The following KPNA3 variants were observed in gnomAD, a reference collection of about 807,000 sequenced individuals.
KPNA3 encodes importin subunit alpha-4.
In KPNA3, 13 loss-of-function variants were observed where a neutral mutation model predicts 73.8. The observed-to-expected ratio is 0.18, with a 90% CI of 0.11 to 0.28. KPNA3 has a LOEUF of 0.28. Ranked by LOEUF, KPNA3 falls within the 10% of genes least tolerant of loss-of-function variation. The pLI, the probability that KPNA3 is intolerant of heterozygous loss-of-function variation, is 1.00. For synonymous variants in KPNA3, 186 were observed against 206.9 expected (o/e 0.90, Z 0.87); for missense variants, 360 against 618.1 (o/e 0.58, Z 4.43).
chr13:49,743,239 G>A (rs528815261), intron 2 of KPNA3, among the ~76,000 whole-genome samples: 2 of 152,236 alleles, frequency 1.3e-5, no homozygotes, highest in East Asian at 3.9e-4. Context: ...GAATCTCAAT[G>A]TCACTAAATA....
At chr13:49,736,427 T>G (rs1051125159) in intron 2 of KPNA3, among the ~76,000 whole-genome samples, 1 of 152,234 alleles carries the variant, frequency 6.6e-6, no homozygotes, top group African/African-American at 2.4e-5. Context: ...ATGTTTCTTT[T>G]TTCCCTGCAG....
chr13:49,730,521 A>G (rs1439289548), intron 6 of KPNA3, among the ~76,000 whole-genome samples: 2 of 36,480 alleles, frequency 5.5e-5, no homozygotes, highest in African/African-American at 4.2e-4. Flanking sequence ...CTCTGTCTCA[A>G]AAAAAAAAAA....
intron 1 of KPNA3, among the ~76,000 whole-genome samples, chr13:49,747,437 T>C (rs191044451): frequency 6.6e-6 from 1 of 152,046 alleles, no homozygotes; most frequent in East Asian, 1.9e-4. Context: ...ACACCTGTAA[T>C]CCCAGCACTT....
intron 12 of KPNA3, among the ~76,000 whole-genome samples, chr13:49,708,038 C>A (rs1049215215): frequency 3.3e-5 from 5 of 149,528 alleles, no homozygotes; most frequent in African/African-American, 1.2e-4. Flanking sequence ...CTCTGTCGCC[C>A]AGGCTGGAGT....
chr13:49,778,534 C>A (rs1447056531), intron 1 of KPNA3, among the ~76,000 whole-genome samples: 2 of 152,200 alleles, frequency 1.3e-5, no homozygotes, highest in Admixed American at 6.5e-5. Context: ...ATATAAATTA[C>A]ACAAACGACC....
intron 2 of KPNA3, among the ~76,000 whole-genome samples, chr13:49,737,039 T>C (rs1351679142): frequency 6.6e-6 from 1 of 152,216 alleles, no homozygotes; most frequent in Non-Finnish European, 1.5e-5. Context: ...TCATTTTTAT[T>C]GCCAAATAGT....
intron 1 of KPNA3, among the ~76,000 whole-genome samples, chr13:49,784,086 C>T (rs981844513): frequency 1.3e-5 from 2 of 151,998 alleles, no homozygotes; most frequent in Non-Finnish European, 2.9e-5. Flanking sequence ...GACCCCATCG[C>T]TACAAAAAGT....
At chr13:49,791,178 C>G (rs1955029865) in intron 1 of KPNA3, among the ~76,000 whole-genome samples, 1 of 152,174 alleles carries the variant, frequency 6.6e-6, no homozygotes, top group Non-Finnish European at 1.5e-5. Flanking sequence ...TTGTCTGTTT[C>G]TCTACAAAAT....
At chr13:49,727,198 A>G (rs1954417667) in intron 6 of KPNA3, among the ~76,000 whole-genome samples, 1 of 152,170 alleles carries the variant, frequency 6.6e-6, no homozygotes, top group African/African-American at 2.4e-5. Flanking sequence ...CTGTAACCCC[A>G]GCACTTTGGG....
At chr13:49,737,486 C>A (rs1954532600) in intron 2 of KPNA3, among the ~76,000 whole-genome samples, 1 of 151,926 alleles carries the variant, frequency 6.6e-6, no homozygotes, top group South Asian at 2.1e-4. Flanking sequence ...TGTATGTCCT[C>A]CTTTCAATGA....
chr13:49,783,181 T>C (rs1954955261), intron 1 of KPNA3, among the ~76,000 whole-genome samples: 1 of 152,114 alleles, frequency 6.6e-6, no homozygotes. Context: ...CTAAATTATA[T>C]TCTATTTAAG....
chr13:49,767,592 A>C (rs1451027599), intron 1 of KPNA3, among the ~76,000 whole-genome samples: 1 of 152,144 alleles, frequency 6.6e-6, no homozygotes, highest in East Asian at 1.9e-4. Context: ...AATGTGACTC[A>C]AATTGCAAAA....
At chr13:49,762,565 C>CTTG (rs1954776342) in intron 1 of KPNA3, among the ~76,000 whole-genome samples, 1 of 152,070 alleles carries the variant, frequency 6.6e-6, no homozygotes, top group South Asian at 2.1e-4. Flanking sequence ...ATGACCTTGC[C>CTTG]CCCAACCCTG....
At position 49,704,412 on chromosome 13, in the gene KPNA3, C is replaced by T. The variant is rs1309762271; in HGVS notation, c.1372+1209G>A. 3.4e-5 allele frequency among the ~76,000 whole-genome samples: 4 copies of T among 117,950 alleles called. No individual in the cohort carries two copies. In the South Asian group the frequency reaches 1.1e-3, roughly 34 times the overall value. The allele number at this position is 117,950 out of a possible 152,430, so 77.4% of individuals were successfully genotyped here. ...GGGCAACAAGAGCGAAACTCTGTCT[C>T]AAAAAAAAAATAAATAAATAAAAAA... On this transcript the variant is annotated intron_variant, in intron 15 of 16. Coordinates refer to ENST00000261667, the MANE Select transcript of KPNA3 (RefSeq NM_002267.4).
At chr13:49,717,081 A>G (rs1225141064) in intron 10 of KPNA3, among the ~76,000 whole-genome samples, 4 of 152,104 alleles carry the variant, frequency 2.6e-5, no homozygotes, top group African/African-American at 7.2e-5. Context: ...TAAACCTATT[A>G]TGATAGCAAA....
chr13:49,790,216 G>A (rs750187613), intron 1 of KPNA3, among the ~76,000 whole-genome samples: 1 of 152,092 alleles, frequency 6.6e-6, no homozygotes, highest in Non-Finnish European at 1.5e-5. Flanking sequence ...TCTGTAGTTC[G>A]AACACTTTGG....
chr13:49,732,429 C>T lies in KPNA3; in HGVS notation c.325G>A (p.Asp109Asn), dbSNP rs536858890. The T allele has an allele frequency of 2.5e-6, 4 of 1,598,298 alleles. No individual in the cohort carries two copies. Among genetic ancestry groups the T allele is most frequent in the Admixed American group, 1.7e-5 (1 of 58,626 alleles). The change falls in exon 6 of 17, where the codon GAC becomes AAC. Residue 109 changes from aspartate (D) to asparagine (N), a missense_variant. Asp to Asn is a conservative substitution (Grantham distance 23, BLOSUM62 1). Coordinates refer to ENST00000261667, the MANE Select transcript of KPNA3 (RefSeq NM_002267.4). ...GGTAAAATCCCAGATTTTATTAAGT[C>T]ATCAATCGGTGGATTTCTGTCACTG... ...LSSDRNPPID[D>N]LIKSGILPIL...
chr13:49,736,588 C>T (rs1024331731), intron 2 of KPNA3, among the ~76,000 whole-genome samples: 1 of 152,070 alleles, frequency 6.6e-6, no homozygotes, highest in African/African-American at 2.4e-5. Context: ...CCAGGTTACC[C>T]CAAAGGTAAC....
rs78259665 is a variant in KPNA3, at chr13:49,778,137, T to A, written c.69+14301A>T. Among the ~76,000 whole-genome samples, 3 of 152,060 alleles carry A rather than the reference T, an allele frequency of 2.0e-5. No individual in the cohort carries two copies. In the East Asian group the frequency reaches 5.8e-4, roughly 29 times the overall value. The stretch of plus-strand genomic sequence containing the variant: ...CGCTTCAAAATAATGCAGGGAAGAG[T>A]AGAAGTGGGTAGAGATTGTTAAATC... On this transcript the variant is annotated intron_variant, in intron 1 of 16. Coordinates refer to ENST00000261667, the MANE Select transcript of KPNA3 (RefSeq NM_002267.4).
Sources: gnomAD v4.1 joint callset for allele counts (sites outside exome capture counted in the v4.1 genomes callset) on GRCh38, gnomAD v4.1.1 for gene constraint, MANE v1.5 for transcripts, NCBI Gene and HGNC (gene_info 2026-07-23, HGNC 2026-07-21) for gene names.